The following PCCA variants were observed in gnomAD, a reference collection of about 807,000 sequenced individuals.
PCCA encodes the protein propionyl-CoA carboxylase subunit alpha.
In PCCA, 74 loss-of-function variants were observed where a neutral mutation model predicts 101.3. The observed-to-expected ratio is 0.73, with a 90% confidence interval of 0.61 to 0.89. The LOEUF (loss-of-function observed/expected upper bound fraction) is 0.89, where lower values mean the gene tolerates loss of function less well. Among genes scored for constraint, PCCA ranks in the 40% least tolerant of loss-of-function variants. The probability of loss-of-function intolerance (pLI) is 0.00; values close to 1 mark genes in which losing one functional copy is unlikely to be tolerated. For missense variants in PCCA, 891 were observed against 907.0 expected (o/e 0.98, Z 0.23); for synonymous variants, 294 against 313.6 (o/e 0.94, Z 0.66).
intron 22 of PCCA, among the ~76,000 whole-genome samples, chr13:100,517,336 C>T (rs962942144): frequency 6.6e-6 from 1 of 152,196 alleles, no homozygotes; most frequent in African/African-American, 2.4e-5. Context: ...CCTGATCTGA[C>T]TTTCCCACAT....
intron 21 of PCCA, among the ~76,000 whole-genome samples, chr13:100,472,269 G>A (rs558637161): frequency 1.4e-4 from 21 of 152,160 alleles, no homozygotes; most frequent in Non-Finnish European, 2.9e-4. Flanking sequence ...AAGGTCCCTG[G>A]GCACGACGAC....
At chr13:100,439,207 C>A (rs2080166788) in intron 20 of PCCA, among the ~76,000 whole-genome samples, 1 of 152,024 alleles carries the variant, frequency 6.6e-6, no homozygotes, top group South Asian at 2.1e-4. Flanking sequence ...TAAAGTATTC[C>A]CCCTTAATGT....
At chr13:100,387,613 G>T (rs1437548868) in intron 19 of PCCA, among the ~76,000 whole-genome samples, 1 of 152,226 alleles carries the variant, frequency 6.6e-6, no homozygotes, top group African/African-American at 2.4e-5. Context: ...CTTGACATCT[G>T]ATGGGAGGGG....
chr13:100,109,457 A>G (rs186915975), intron 2 of PCCA, among the ~76,000 whole-genome samples: 427 of 152,306 alleles, frequency 2.8e-3, no homozygotes, highest in African/African-American at 8.5e-3. Flanking sequence ...CGCTGTAACA[A>G]TTGCTTAATA....
chr13:100,454,873 A>C (rs2081593676), intron 21 of PCCA, among the ~76,000 whole-genome samples: 1 of 152,204 alleles, frequency 6.6e-6, no homozygotes, highest in African/African-American at 2.4e-5. Context: ...CAGTAAAACA[A>C]ATCTCATTAC....
chr13:100,409,429 G>A (rs1226747254), intron 19 of PCCA, among the ~76,000 whole-genome samples: 2 of 151,944 alleles, frequency 1.3e-5, no homozygotes, highest in African/African-American at 4.8e-5. Flanking sequence ...TTTATAGGGT[G>A]AAAAGGGAAA....
In PCCA at chr13:100,223,633, C is replaced by T. The variant is rs191731889; in HGVS notation, c.601-12209C>T. On this transcript the variant is annotated intron_variant, in intron 7 of 23. Transcript: ENST00000376285. The stretch of plus-strand genomic sequence containing the variant: ...TCCACAGTGTGGAAGGGGACCCGAG[C>T]GTGTTGCCACTGCTGGCTCGGGCAG... Among the ~76,000 whole-genome samples the T allele has an allele frequency of 3.8e-3, 578 of 152,222 alleles. 1 individual carries two copies. Among genetic ancestry groups the T allele is most frequent in the Middle Eastern group, 0.017 (5 of 294 alleles).
chr13:100,364,491 T>A (rs1166093321), intron 18 of PCCA, among the ~76,000 whole-genome samples: 2 of 152,250 alleles, frequency 1.3e-5, no homozygotes, highest in Non-Finnish European at 2.9e-5. Context: ...TTGTATTTTT[T>A]AAAATTTATA....
rs368602405 is a variant in PCCA, at chr13:100,389,446, C to T, written c.1746+20872C>T. Among the ~76,000 whole-genome samples the T allele has an allele frequency of 1.1e-3, 166 of 152,226 alleles. 6 individuals are homozygous for T. In the South Asian group the frequency reaches 0.031, roughly 29 times the overall value. On this transcript the variant is annotated intron_variant, in intron 19 of 23. Coordinates refer to ENST00000376285, the MANE Select transcript of PCCA (RefSeq NM_000282.4). Reference sequence around the variant, plus strand: ...ATAAGTGGGAGCTAAATAACAAGAACACATGGACACAAGGGAACAACACAC... The same window carrying T: ...ATAAGTGGGAGCTAAATAACAAGAATACATGGACACAAGGGAACAACACAC...
intron 7 of PCCA, among the ~76,000 whole-genome samples, chr13:100,216,527 T>C (rs1458034363): frequency 1.3e-5 from 2 of 152,222 alleles, no homozygotes; most frequent in African/African-American, 4.8e-5. Flanking sequence ...TGACATATTG[T>C]CAGTGCTTAA....
intron 20 of PCCA, among the ~76,000 whole-genome samples, chr13:100,446,447 T>C (rs1433473431): frequency 6.6e-6 from 1 of 152,248 alleles, no homozygotes; most frequent in African/African-American, 2.4e-5. Flanking sequence ...ACTTTGTACA[T>C]TTTGTACTAT....
At chr13:100,200,560 A>G (rs992380881) in intron 6 of PCCA, among the ~76,000 whole-genome samples, 1 of 151,658 alleles carries the variant, frequency 6.6e-6, no homozygotes, top group Non-Finnish European at 1.5e-5. Flanking sequence ...ATACATATAT[A>G]TTAACAGGTT....
At chr13:100,322,194 A>G (rs2068129923) in intron 16 of PCCA, among the ~76,000 whole-genome samples, 1 of 152,188 alleles carries the variant, frequency 6.6e-6, no homozygotes, top group Non-Finnish European at 1.5e-5. Flanking sequence ...TGAATTGCCA[A>G]AGCTGAGTTT....
chr13:100,333,037 T>C (rs1194953756), intron 17 of PCCA, among the ~76,000 whole-genome samples: 1 of 152,246 alleles, frequency 6.6e-6, no homozygotes, highest in Non-Finnish European at 1.5e-5. Context: ...AATCAGGGTA[T>C]GCTACATGTT....
chr13:100,525,838 G>C (rs923207933), intron 22 of PCCA, among the ~76,000 whole-genome samples: 1 of 152,212 alleles, frequency 6.6e-6, no homozygotes, highest in African/African-American at 2.4e-5. Context: ...TTGGGAGGCC[G>C]GCATGCAGTC....
At chr13:100,499,695 A>G (rs1016403358) in intron 21 of PCCA, among the ~76,000 whole-genome samples, 5 of 152,284 alleles carry the variant, frequency 3.3e-5, no homozygotes, top group Non-Finnish European at 7.3e-5. Flanking sequence ...CATCTGTCCC[A>G]TTATGTCTAG....
intron 6 of PCCA, among the ~76,000 whole-genome samples, chr13:100,204,671 A>G (rs1233855355): frequency 6.6e-6 from 1 of 152,230 alleles, no homozygotes; most frequent in African/African-American, 2.4e-5. Flanking sequence ...TTTCCTTAAC[A>G]TACTGCTCAA....
At chr13:100,342,095 T>C (rs2071459697) in intron 18 of PCCA, among the ~76,000 whole-genome samples, 1 of 151,670 alleles carries the variant, frequency 6.6e-6, no homozygotes, top group Admixed American at 6.6e-5. Context: ...TTGTGCAAGA[T>C]AAACAGCAGT....
At chr13:100,171,620 G>A (rs988381533) in intron 6 of PCCA, among the ~76,000 whole-genome samples, 2 of 152,188 alleles carry the variant, frequency 1.3e-5, no homozygotes, top group South Asian at 4.1e-4. Flanking sequence ...CAGACGCAGT[G>A]GCCTACGCCT....
Sources: gnomAD v4.1 joint callset for allele counts (sites outside exome capture counted in the v4.1 genomes callset) on GRCh38, gnomAD v4.1.1 for gene constraint, MANE v1.5 for transcripts, NCBI Gene and HGNC (gene_info 2026-07-23, HGNC 2026-07-21) for gene names.